HACE1: variants seen among roughly 807,000 people sequenced by gnomAD.
HACE1 encodes E3 ubiquitin-protein ligase HACE1.
In HACE1, 73 loss-of-function variants were observed where a neutral mutation model predicts 118.4. The ratio of observed to expected loss-of-function variants is 0.62; its 90% CI spans 0.51 to 0.75. The LOEUF is 0.75. Ranked by LOEUF, HACE1 falls within the 30% of genes least tolerant of loss-of-function variation. The pLI, the probability that HACE1 is intolerant of heterozygous loss-of-function variation, is 0.00. For missense variants in HACE1, 749 were observed against 1,102.2 expected, an observed-to-expected ratio of 0.68 and a Z score of 4.54; for synonymous variants, 368 against 374.8, an observed-to-expected ratio of 0.98 and a Z score of 0.21.
At chr6:104,839,194 C>A (rs752369607) in intron 5 of HACE1, among the ~76,000 whole-genome samples, 1 of 152,136 alleles carries the variant, frequency 6.6e-6, no homozygotes, top group African/African-American at 2.4e-5. Context: ...CAACTGCATT[C>A]CTGGACATTT....
intron 22 of HACE1, among the ~76,000 whole-genome samples, chr6:104,738,569 C>T (rs148201992): frequency 0.11 from 16,649 of 148,082 alleles, 982 homozygotes; most frequent in East Asian, 0.16. Flanking sequence ...AGGGTATCAG[C>T]GATGGAAGAT....
intron 19 of HACE1, among the ~76,000 whole-genome samples, chr6:104,769,395 C>T (rs1780377117): frequency 6.6e-6 from 1 of 152,094 alleles, no homozygotes. Context: ...AGATAAGAAT[C>T]ATGTTTATGG....
At chr6:104,732,528 G>C (rs942778627) in intron 22 of HACE1, among the ~76,000 whole-genome samples, 8 of 152,156 alleles carry the variant, frequency 5.3e-5, no homozygotes, top group Admixed American at 6.5e-5. Context: ...GTGGTTGTTA[G>C]AGGCGGGTGG....
intron 1 of HACE1, among the ~76,000 whole-genome samples, chr6:104,855,252 G>A (rs905359188): frequency 6.6e-6 from 1 of 152,062 alleles, no homozygotes; most frequent in Non-Finnish European, 1.5e-5. Flanking sequence ...AGACCATCCT[G>A]GCTAACAAGG....
intron 6 of HACE1, among the ~76,000 whole-genome samples, chr6:104,823,958 T>C (rs1263142324): frequency 6.6e-6 from 1 of 152,136 alleles, no homozygotes; most frequent in Non-Finnish European, 1.5e-5. Context: ...TAAAGATAAT[T>C]CAAGTACAGA....
At chr6:104,835,875 A>C (rs1357331685) in intron 5 of HACE1, among the ~76,000 whole-genome samples, 1 of 152,220 alleles carries the variant, frequency 6.6e-6, no homozygotes, top group Non-Finnish European at 1.5e-5. Context: ...TCCAAATAGC[A>C]CTAAACTTCA....
intron 7 of HACE1, among the ~76,000 whole-genome samples, chr6:104,801,545 G>C (rs997733952): frequency 7.9e-5 from 12 of 152,224 alleles, no homozygotes; most frequent in Admixed American, 2.0e-4. Flanking sequence ...AGCCAGAAGA[G>C]AGTGGGGGCT....
At chr6:104,748,638 C>CTTT (rs1777705914) in intron 20 of HACE1, among the ~76,000 whole-genome samples, 1 of 152,212 alleles carries the variant, frequency 6.6e-6, no homozygotes, top group South Asian at 2.1e-4. Flanking sequence ...AGCAGCAGTA[C>CTTT]TTGAAAGAGC....
intron 6 of HACE1, among the ~76,000 whole-genome samples, chr6:104,831,980 G>GAAT (rs71003447): frequency 1.6e-5 from 1 of 62,928 alleles, no homozygotes; most frequent in Non-Finnish European, 3.0e-5. Flanking sequence ...GAAGAGAAGA[G>GAAT]AGGAAGGAAG....
chr6:104,800,643 G>A, intron 7 of HACE1, among the ~76,000 whole-genome samples: 1 of 152,232 alleles, frequency 6.6e-6, no homozygotes, highest in Middle Eastern at 3.4e-3. Flanking sequence ...ACTGTTAGAA[G>A]GAAAACTAAG....
At chr6:104,744,371 A>T in intron 21 of HACE1, 141 bp from the exon 22 acceptor site, 1 of 800,756 alleles carries the variant, frequency 1.2e-6, no homozygotes, top group Non-Finnish European at 2.2e-6. Flanking sequence ...CAAAGCTTTC[A>T]TATGCACTAT....
At chr6:104,779,776 T>C (rs1582430993) in intron 14 of HACE1, among the ~76,000 whole-genome samples, 2 of 152,242 alleles carry the variant, frequency 1.3e-5, no homozygotes, top group East Asian at 1.9e-4. Flanking sequence ...ACTTTAGTTT[T>C]CTCATCTGTA....
chr6:104,810,850 G>A (rs1771524054), intron 7 of HACE1, among the ~76,000 whole-genome samples: 1 of 151,908 alleles, frequency 6.6e-6, no homozygotes, highest in African/African-American at 2.4e-5. Context: ...TAGATACAGA[G>A]AAAGAAAAGA....
intron 22 of HACE1, among the ~76,000 whole-genome samples, chr6:104,742,016 A>G (rs1260659044): frequency 1.4e-5 from 2 of 148,054 alleles, no homozygotes; most frequent in Non-Finnish European, 3.0e-5. Flanking sequence ...ACGTATCTAC[A>G]ACTATCTGAT....
At chr6:104,798,080 A>AAAAG (rs1045521220) in intron 7 of HACE1, among the ~76,000 whole-genome samples, 1 of 151,656 alleles carries the variant, frequency 6.6e-6, no homozygotes, top group Non-Finnish European at 1.5e-5. Context: ...AAAAAAAAAA[A>AAAAG]AAAGAAAGAA....
intron 4 of HACE1, among the ~76,000 whole-genome samples, chr6:104,846,998 C>G (rs921309222): frequency 1.6e-4 from 24 of 152,174 alleles, no homozygotes; most frequent in African/African-American, 5.6e-4. Context: ...CATGTAATAT[C>G]TGCCATATTT....
chr6:104,779,900 T>G (rs993912402), intron 14 of HACE1, among the ~76,000 whole-genome samples: 1 of 152,062 alleles, frequency 6.6e-6, no homozygotes, highest in Non-Finnish European at 1.5e-5. Flanking sequence ...AATCATTTAT[T>G]AAGCACCTAT....
At chr6:104,821,615 A>G (rs1772724098) in intron 6 of HACE1, among the ~76,000 whole-genome samples, 1 of 152,164 alleles carries the variant, frequency 6.6e-6, no homozygotes, top group Admixed American at 6.5e-5. Flanking sequence ...GGAAGGTGAT[A>G]TTCTCTTCAC....
chr6:104,761,945 A>C (rs1779405762), intron 19 of HACE1, among the ~76,000 whole-genome samples: 1 of 152,256 alleles, frequency 6.6e-6, no homozygotes, highest in African/African-American at 2.4e-5. Flanking sequence ...GACACATGAA[A>C]AAATGCTCAT....
Sources: gnomAD v4.1 joint callset for allele counts (sites outside exome capture counted in the v4.1 genomes callset) on GRCh38, gnomAD v4.1.1 for gene constraint, MANE v1.5 for transcripts, NCBI Gene and HGNC (gene_info 2026-07-23, HGNC 2026-07-21) for gene names.